RBFOX1: variants seen among roughly 807,000 people sequenced by gnomAD.
The protein encoded by RBFOX1 is RNA binding fox-1 homolog 1.
In RBFOX1, 8 loss-of-function variants were observed where a neutral mutation model predicts 57.7. The observed-to-expected ratio is 0.14, with a 90% confidence interval of 0.08 to 0.25. The LOEUF is 0.25. Ranked by LOEUF, RBFOX1 falls within the 10% of genes least tolerant of loss-of-function variation. RBFOX1 has a pLI of 1.00. For missense variants in RBFOX1, 611 were observed against 548.5 expected (o/e 1.11, Z -1.14); for synonymous variants, 326 against 222.4 (o/e 1.47, Z -4.15).
At chr16:7,584,987 T>G (rs1190115254) in intron 6 of RBFOX1, among the ~76,000 whole-genome samples, 2 of 152,194 alleles carry the variant, frequency 1.3e-5, no homozygotes, top group Non-Finnish European at 2.9e-5. Context: ...TCTGTCTCAA[T>G]CAGATCTTAT....
At chr16:5,618,026 A>C (rs2048089037) in intron 3 of RBFOX1, among the ~76,000 whole-genome samples, 1 of 152,220 alleles carries the variant, frequency 6.6e-6, no homozygotes, top group Non-Finnish European at 1.5e-5. Context: ...TACATAACAT[A>C]AATTATACAA....
exon 3 of RBFOX1, chr16:5,599,230 C>A (rs776681003): frequency 8.7e-6 from 6 of 690,662 alleles, no homozygotes. Flanking sequence ...TGGACAGATC[C>A]GGGGCACAGT....
intron 1 of RBFOX1, among the ~76,000 whole-genome samples, chr16:6,106,951 G>T (rs766091722): frequency 6.6e-6 from 1 of 152,108 alleles, no homozygotes; most frequent in Non-Finnish European, 1.5e-5. Flanking sequence ...GATTACAGGC[G>T]TGAGCCACCA....
At chr16:6,281,440 G>A in intron 1 of RBFOX1, among the ~76,000 whole-genome samples, 1 of 152,114 alleles carries the variant, frequency 6.6e-6, no homozygotes, top group South Asian at 2.1e-4. Context: ...TTTTGCTGGT[G>A]AATCCCTAAT....
chr16:7,419,152 C>T (rs1393943461), intron 4 of RBFOX1, among the ~76,000 whole-genome samples: 1 of 152,158 alleles, frequency 6.6e-6, no homozygotes, highest in Non-Finnish European at 1.5e-5. Flanking sequence ...AAGCAGTTCA[C>T]CCACCGTGGC....
chr16:6,973,533 T>C (rs527772294), intron 3 of RBFOX1, among the ~76,000 whole-genome samples: 1 of 152,336 alleles, frequency 6.6e-6, no homozygotes, highest in Middle Eastern at 3.4e-3. Flanking sequence ...CAACGTTGAT[T>C]TTTCAGCTTC....
chr16:6,315,206 G>A (rs751952370), intron 1 of RBFOX1, among the ~76,000 whole-genome samples: 11 of 152,246 alleles, frequency 7.2e-5, no homozygotes, highest in Non-Finnish European at 1.2e-4. Context: ...GAAAGGTTGA[G>A]TGACTTGGCC....
intron 4 of RBFOX1, among the ~76,000 whole-genome samples, chr16:7,284,466 G>A (rs1396953491): frequency 6.6e-6 from 1 of 152,104 alleles, no homozygotes; most frequent in African/African-American, 2.4e-5. Context: ...GAGTAGCTGG[G>A]ACCACAGGCA....
At chr16:5,266,054 ACT>A (rs1400934087) in intron 1 of RBFOX1, among the ~76,000 whole-genome samples, 1 of 150,288 alleles carries the variant, frequency 6.7e-6, no homozygotes, top group Non-Finnish European at 1.5e-5. Context: ...TAAAAAAAAA[ACT>A]CTGGATTTTC....
chr16:5,671,735 C>G (rs1332363780), intron 3 of RBFOX1, among the ~76,000 whole-genome samples: 1 of 152,156 alleles, frequency 6.6e-6, no homozygotes, highest in Non-Finnish European at 1.5e-5. Context: ...GGAGCTAATG[C>G]TTTTGCTAAT....
chr16:7,568,597 C>T (rs1378579484), intron 5 of RBFOX1, among the ~76,000 whole-genome samples: 1 of 151,948 alleles, frequency 6.6e-6, no homozygotes, highest in Admixed American at 6.6e-5. Flanking sequence ...CTTAGATTGC[C>T]TTAACTGGCT....
intron 1 of RBFOX1, among the ~76,000 whole-genome samples, chr16:5,418,443 A>T (rs933407006): frequency 3.9e-5 from 6 of 152,114 alleles, no homozygotes; most frequent in Non-Finnish European, 7.3e-5. Context: ...AAATGTAATG[A>T]CTGAATTACG....
chr16:5,462,814 A>T (rs1178617455), intron 1 of RBFOX1, among the ~76,000 whole-genome samples: 1 of 152,120 alleles, frequency 6.6e-6, no homozygotes, highest in Non-Finnish European at 1.5e-5. Context: ...AGGCGATGTA[A>T]GAGTGGCATT....
At chr16:7,177,856 A>C (rs1463082367) in intron 4 of RBFOX1, among the ~76,000 whole-genome samples, 1 of 152,230 alleles carries the variant, frequency 6.6e-6, no homozygotes, top group South Asian at 2.1e-4. Flanking sequence ...AACTTTAGTT[A>C]CAAAAGCAGA....
At chr16:7,355,483 T>C (rs76862504) in intron 4 of RBFOX1, among the ~76,000 whole-genome samples, 1,624 of 152,262 alleles carry the variant, frequency 0.011, 12 homozygotes, top group Non-Finnish European at 0.015. Flanking sequence ...CCCATACTTT[T>C]CCTATGTAAT....
chr16:6,655,771 T>G (rs1339330630), intron 3 of RBFOX1, among the ~76,000 whole-genome samples: 1 of 152,158 alleles, frequency 6.6e-6, no homozygotes, highest in Non-Finnish European at 1.5e-5. Flanking sequence ...TTGAAAGATG[T>G]TTCTCCTTTC....
intron 3 of RBFOX1, among the ~76,000 whole-genome samples, chr16:6,974,247 A>G (rs2086254097): frequency 6.6e-6 from 1 of 151,872 alleles, no homozygotes; most frequent in African/African-American, 2.4e-5. Context: ...CTATGAATGC[A>G]GAGAGGCATG....
At chr16:6,668,205 A>C (rs548835526) in intron 3 of RBFOX1, among the ~76,000 whole-genome samples, 2 of 152,326 alleles carry the variant, frequency 1.3e-5, no homozygotes, top group East Asian at 3.9e-4. Context: ...CTCTGGTGTC[A>C]AGTCATATTG....
At chr16:7,319,054 C>T (rs1347222877) in intron 4 of RBFOX1, among the ~76,000 whole-genome samples, 2 of 152,180 alleles carry the variant, frequency 1.3e-5, no homozygotes, top group Admixed American at 1.3e-4. Context: ...AGGCTAACTC[C>T]AGTGCCAATT....
Sources: gnomAD v4.1 joint callset for allele counts (sites outside exome capture counted in the v4.1 genomes callset) on GRCh38, gnomAD v4.1.1 for gene constraint, MANE v1.5 for transcripts, NCBI Gene and HGNC (gene_info 2026-07-23, HGNC 2026-07-21) for gene names.